The following FGD4 variants were observed in gnomAD, a reference collection of about 807,000 sequenced individuals.
The protein encoded by FGD4 is FYVE, RhoGEF and PH domain containing 4, also known as FYVE, RhoGEF and PH domain-containing protein 4.
In FGD4, 42 loss-of-function variants were observed where a neutral mutation model predicts 102.0. The observed-to-expected ratio is 0.41, with a 90% CI of 0.32 to 0.53. The LOEUF (loss-of-function observed/expected upper bound fraction) is 0.53, where lower values mean the gene tolerates loss of function less well. FGD4 is among the 20% of genes least tolerant of loss of function. The pLI is 0.21. For missense variants in FGD4, 902 were observed against 1,078.2 expected (o/e 0.84, Z 2.29); for synonymous variants, 380 against 375.7 (o/e 1.01, Z -0.13).
chr12:32,446,016 A>C (rs2136464241), intron 1 of FGD4, among the ~76,000 whole-genome samples: 1 of 152,226 alleles, frequency 6.6e-6, no homozygotes, highest in South Asian at 2.1e-4. Context: ...AAATACAAAA[A>C]GTTAGCCCGG....
chr12:32,474,445 T>A (rs970421870), intron 1 of FGD4, among the ~76,000 whole-genome samples: 2 of 152,206 alleles, frequency 1.3e-5, no homozygotes, highest in African/African-American at 4.8e-5. Context: ...ACCTACAACA[T>A]GGATGAATCT....
intron 1 of FGD4, among the ~76,000 whole-genome samples, chr12:32,453,675 G>A (rs77382210): frequency 0.038 from 5,777 of 152,110 alleles, 167 homozygotes; most frequent in South Asian, 0.12. Context: ...AGCCTAACTT[G>A]GGCTCATTGT....
At chr12:32,599,515 C>A (rs1201068253) in intron 5 of FGD4, among the ~76,000 whole-genome samples, 6 of 88,842 alleles carry the variant, frequency 6.8e-5, no homozygotes, top group South Asian at 4.4e-4. Flanking sequence ...AAAAGAATAA[C>A]TTTTGAAAAC....
At chr12:32,450,842 A>C (rs535775182) in intron 1 of FGD4, among the ~76,000 whole-genome samples, 1 of 152,338 alleles carries the variant, frequency 6.6e-6, no homozygotes, top group South Asian at 2.1e-4. Flanking sequence ...TCTTTTCCTG[A>C]AAATGAGAAA....
Position 32,479,312 on chromosome 12 carries a change from A to G in FGD4, c.166+79353A>G, listed in dbSNP as rs1162114140. ...GACCTTGTTTCATTTCCTATTAAATATGACTAAAGTGTAGTCATATAACTA... is the reference window on the plus strand; with the variant it reads ...GACCTTGTTTCATTTCCTATTAAATGTGACTAAAGTGTAGTCATATAACTA... On this transcript the variant is annotated intron_variant, in intron 1 of 16. Coordinates refer to ENST00000534526, the MANE Select transcript of FGD4 (RefSeq NM_001370298.3). Among the ~76,000 whole-genome samples, 5 of 152,252 alleles carry G rather than the reference A, an allele frequency of 3.3e-5. No individual in the cohort carries two copies. In the East Asian group the frequency reaches 5.8e-4, roughly 18 times the overall value.
At chr12:32,632,713 A>ATTTTATT (rs1555223380) in intron 14 of FGD4, among the ~76,000 whole-genome samples, 6 of 123,804 alleles carry the variant, frequency 4.8e-5, no homozygotes, top group African/African-American at 1.8e-4. Context: ...TTATTTATTT[A>ATTTTATT]TTTTTTTTTT....
chr12:32,442,358 T>G (rs1156637534), intron 1 of FGD4, among the ~76,000 whole-genome samples: 1 of 152,118 alleles, frequency 6.6e-6, no homozygotes, highest in South Asian at 2.1e-4. Context: ...CGGCCAGGAC[T>G]GTTTTTTCTG....
chr12:32,583,538 A>G lies in FGD4; in HGVS notation c.1011+1071A>G, dbSNP rs374390365. 4.6e-5 allele frequency among the ~76,000 whole-genome samples: 7 copies of G among 152,336 alleles called. 2 individuals carry two copies. Among genetic ancestry groups the G allele is most frequent in the African/African-American group, 1.4e-4 (6 of 41,580 alleles). Reference sequence around the variant, plus strand: ...AAATGGCTAAATGCAAGAAATGTCAATAAATGAAGCAGCCATGGGTAATAA... The same window carrying G: ...AAATGGCTAAATGCAAGAAATGTCAGTAAATGAAGCAGCCATGGGTAATAA... On this transcript the variant is annotated intron_variant, in intron 4 of 16. Transcript: ENST00000534526.
intron 1 of FGD4, among the ~76,000 whole-genome samples, chr12:32,459,708 T>C (rs987257197): frequency 3.3e-5 from 5 of 151,962 alleles, no homozygotes; most frequent in African/African-American, 1.2e-4. Context: ...TTTTTTTTTT[T>C]CTAAATTTCT....
At chr12:32,498,767 T>G (rs912788630) in intron 1 of FGD4, among the ~76,000 whole-genome samples, 1 of 152,136 alleles carries the variant, frequency 6.6e-6, no homozygotes, top group African/African-American at 2.4e-5. Flanking sequence ...CATGCCCAGC[T>G]AATTTTTGTA....
intron 1 of FGD4, among the ~76,000 whole-genome samples, chr12:32,511,593 C>T (rs987635295): frequency 2.0e-5 from 3 of 152,084 alleles, no homozygotes; most frequent in African/African-American, 7.2e-5. Context: ...TGAGCCACCG[C>T]GCCCGGCCTG....
At chr12:32,621,630 G>A (rs1199486264) in intron 11 of FGD4, among the ~76,000 whole-genome samples, 1 of 152,290 alleles carries the variant, frequency 6.6e-6, no homozygotes, top group Non-Finnish European at 1.5e-5. Context: ...TTGGAATGTG[G>A]GCAGGCTGGG....
At chr12:32,580,977 T>C (rs1050911720) in intron 3 of FGD4, among the ~76,000 whole-genome samples, 1 of 152,074 alleles carries the variant, frequency 6.6e-6, no homozygotes, top group Non-Finnish European at 1.5e-5. Flanking sequence ...AAGACTACTG[T>C]TATGTCAAGC....
intron 14 of FGD4, among the ~76,000 whole-genome samples, chr12:32,629,661 ATCTCTATCTCCCATTTTGT>A (rs1432704454): frequency 1.3e-5 from 2 of 151,668 alleles, no homozygotes; most frequent in Non-Finnish European, 2.9e-5. Flanking sequence ...CATTTTATTC[ATCTCTATCTCCCATTTTGT>A]TCATTTACTG....
chr12:32,629,207 C>G (rs12321158), intron 14 of FGD4, among the ~76,000 whole-genome samples: 22,708 of 152,036 alleles, frequency 0.15, 1,948 homozygotes, highest in Middle Eastern at 0.26. Context: ...GGAATTGGTT[C>G]AATGAAGAAA....
intron 1 of FGD4, among the ~76,000 whole-genome samples, chr12:32,548,109 T>C (rs1943373516): frequency 6.6e-6 from 1 of 152,220 alleles, no homozygotes; most frequent in Admixed American, 6.5e-5. Flanking sequence ...CCTGAAGCTA[T>C]ATGTTACCTT....
intron 1 of FGD4, among the ~76,000 whole-genome samples, chr12:32,527,990 A>G (rs945880427): frequency 6.6e-6 from 1 of 151,828 alleles, no homozygotes; most frequent in African/African-American, 2.4e-5. Context: ...TTTTGGTGAC[A>G]GTCTTGCTCT....
intron 1 of FGD4, among the ~76,000 whole-genome samples, chr12:32,504,535 G>A (rs1447094898): frequency 6.6e-6 from 1 of 152,290 alleles, no homozygotes; most frequent in East Asian, 1.9e-4. Flanking sequence ...CCTTACTTGT[G>A]GGGGTGAAGA....
chr12:32,593,021 A>T (rs181186862), intron 4 of FGD4, among the ~76,000 whole-genome samples: 2 of 152,176 alleles, frequency 1.3e-5, no homozygotes, highest in African/African-American at 4.8e-5. Context: ...GAGCCAAGGT[A>T]TATCATGAAT....
Sources: gnomAD v4.1 joint callset for allele counts (sites outside exome capture counted in the v4.1 genomes callset) on GRCh38, gnomAD v4.1.1 for gene constraint, MANE v1.5 for transcripts, NCBI Gene and HGNC (gene_info 2026-07-23, HGNC 2026-07-21) for gene names.